LRRC1: variants seen among roughly 807,000 people sequenced by gnomAD.
The protein encoded by LRRC1 is leucine rich repeat containing 1, also known as leucine-rich repeat-containing protein 1.
In LRRC1, 28 loss-of-function variants were observed where a neutral mutation model predicts 69.9. The ratio of observed to expected loss-of-function variants is 0.40; its 90% CI spans 0.30 to 0.55. The LOEUF (loss-of-function observed/expected upper bound fraction) is 0.55. Among genes scored for constraint, LRRC1 ranks in the 20% least tolerant of loss-of-function variants. The pLI is 0.47. For synonymous variants in LRRC1, 236 were observed against 240.2 expected, an observed-to-expected ratio of 0.98 and a Z score of 0.16; for missense variants, 498 against 609.0, an observed-to-expected ratio of 0.82 and a Z score of 1.92.
At chr6:53,806,807 CAA>C (rs1241678805) in intron 1 of LRRC1, among the ~76,000 whole-genome samples, 1 of 152,120 alleles carries the variant, frequency 6.6e-6, no homozygotes, top group Non-Finnish European at 1.5e-5. Flanking sequence ...TTCCCAGAAC[CAA>C]TTAAGGAAAA....
intron 4 of LRRC1, among the ~76,000 whole-genome samples, chr6:53,895,027 C>T (rs895907806): frequency 1.3e-5 from 2 of 151,604 alleles, no homozygotes; most frequent in Non-Finnish European, 2.9e-5. Context: ...ATGCCATTCT[C>T]CTGCCTCACC....
At chr6:53,841,966 A>G in intron 1 of LRRC1, 144 bp from the exon 2 acceptor site, 1 of 564,528 alleles carries the variant, frequency 1.8e-6, no homozygotes. Flanking sequence ...CTTCACAACT[A>G]CAGTACTGCC....
intron 8 of LRRC1, 127 bp downstream of exon 8, chr6:53,900,018 C>CTGTTTTTTTTTT (rs1562066382): frequency 2.8e-5 from 8 of 283,108 alleles, no homozygotes; most frequent in African/African-American, 2.3e-4. Flanking sequence ...AGTCTCCTTA[C>CTGTTTTTTTTTT]TGTTTTTTTT....
In LRRC1 at chr6:53,896,523, C is replaced by A. The variant is rs1220308567; in HGVS notation, c.472C>A (p.Leu158Met). Reference protein sequence around the residue: ...GNLYNLASLELRENLLTYLPD... With the variant: ...GNLYNLASLEMRENLLTYLPD... The stretch of plus-strand genomic sequence containing the variant: ...TCTTTATAACCTGGCTTCACTGGAA[C>A]TGAGAGAGAATCTTCTTACATATCT... Residue 158 changes from leucine (L) to methionine (M), a missense_variant, in exon 5 of 14, where the codon CTG becomes ATG. This residue lies in a region of LRRC1 where 266 missense variants were observed against 383.9 expected (regional missense o/e 0.69). Transcript: ENST00000370888. The A allele has an allele frequency of 6.2e-7, 1 of 1,613,142 alleles. No individual in the cohort carries two copies. The highest frequency in any genetic ancestry group is 8.5e-7 in the Non-Finnish European group (1 of 1,179,344).
At chr6:53,839,846 C>T (rs904109945) in intron 1 of LRRC1, among the ~76,000 whole-genome samples, 1 of 152,038 alleles carries the variant, frequency 6.6e-6, no homozygotes, top group Non-Finnish European at 1.5e-5. Context: ...GCTTTGTTTT[C>T]TTTATGCCTA....
At chr6:53,883,540 A>G (rs1298682376) in intron 4 of LRRC1, among the ~76,000 whole-genome samples, 1 of 152,246 alleles carries the variant, frequency 6.6e-6, no homozygotes, top group African/African-American at 2.4e-5. Context: ...GAACCTAGTC[A>G]TGGCAAGAAA....
intron 4 of LRRC1, among the ~76,000 whole-genome samples, chr6:53,885,068 A>G (rs1486736776): frequency 6.6e-6 from 1 of 152,184 alleles, no homozygotes; most frequent in Non-Finnish European, 1.5e-5. Flanking sequence ...GTTGTTAGTA[A>G]TTTTGTCACC....
At chr6:53,863,590 G>T (rs1398830295) in intron 2 of LRRC1, among the ~76,000 whole-genome samples, 1 of 152,118 alleles carries the variant, frequency 6.6e-6, no homozygotes, top group East Asian at 1.9e-4. Flanking sequence ...TAGCTCCTCA[G>T]ATTTTCCAGA....
At chr6:53,861,120 A>G (rs1440505343) in intron 2 of LRRC1, among the ~76,000 whole-genome samples, 1 of 152,116 alleles carries the variant, frequency 6.6e-6, no homozygotes, top group African/African-American at 2.4e-5. Context: ...TTCCTGTGAC[A>G]CACAATTTAC....
intron 2 of LRRC1, among the ~76,000 whole-genome samples, chr6:53,849,950 C>G (rs748418026): frequency 1.3e-5 from 2 of 151,680 alleles, no homozygotes; most frequent in Non-Finnish European, 2.9e-5. Context: ...GAGCAAGTCC[C>G]TTTTTAAAAA....
intron 1 of LRRC1, among the ~76,000 whole-genome samples, chr6:53,828,528 A>G (rs1233737367): frequency 2.0e-5 from 3 of 152,208 alleles, no homozygotes; most frequent in Admixed American, 6.5e-5. Context: ...CCCTTCATTC[A>G]GTGTTGACTG....
intron 1 of LRRC1, among the ~76,000 whole-genome samples, chr6:53,820,592 C>T (rs3003492): frequency 0.26 from 39,823 of 151,082 alleles, 5,378 homozygotes; most frequent in African/African-American, 0.29. Context: ...TTAACCTCCC[C>T]GCCCCCATTT....
chr6:53,795,478 C>A, intron 1 of LRRC1, 63 bp downstream of exon 1: 1 of 1,495,478 alleles, frequency 6.7e-7, no homozygotes, highest in East Asian at 2.4e-5. Context: ...CGCTCCCATC[C>A]TCTCTCGTCC....
intron 2 of LRRC1, among the ~76,000 whole-genome samples, chr6:53,862,749 G>A (rs1766571415): frequency 6.6e-6 from 1 of 152,106 alleles, no homozygotes; most frequent in Non-Finnish European, 1.5e-5. Flanking sequence ...CTACAAGGCT[G>A]GCTGCCTCCT....
At chr6:53,898,045 C>T (rs1382882195) in intron 7 of LRRC1, among the ~76,000 whole-genome samples, 3 of 152,130 alleles carry the variant, frequency 2.0e-5, no homozygotes, top group Non-Finnish European at 4.4e-5. Flanking sequence ...GAATTTTATT[C>T]TTTGATGTCT....
intron 1 of LRRC1, among the ~76,000 whole-genome samples, chr6:53,800,188 C>CTT (rs1402371656): frequency 6.6e-6 from 1 of 150,634 alleles, no homozygotes; most frequent in African/African-American, 2.4e-5. Flanking sequence ...TCTCAGATGT[C>CTT]TAACATCTTT....
At chr6:53,895,750 C>T (rs1202919570) in intron 4 of LRRC1, among the ~76,000 whole-genome samples, 6 of 152,216 alleles carry the variant, frequency 3.9e-5, no homozygotes, top group Admixed American at 1.3e-4. Context: ...TGTCAAACAT[C>T]TGTCACATTC....
At position 53,919,477 on chromosome 6, in the gene LRRC1, T is replaced by TAAA. The variant is rs59865937; in HGVS notation, c.1107-6_1107-4dup. ...TTTGAGGTTGTGATGTCTCTTTTTT[T>TAAA]AAAAAAAAAAAAAAAAACAGGTTGC... On this transcript the variant is annotated intron_variant, in intron 11 of 13. Coordinates refer to ENST00000370888, the MANE Select transcript of LRRC1 (RefSeq NM_018214.5). 7,378 of 1,254,150 alleles carry TAAA rather than the reference T, an allele frequency of 5.9e-3. 10 individuals are homozygous for TAAA. The highest frequency in any genetic ancestry group is 6.1e-3 in the Non-Finnish European group (5,857 of 960,040). 77.7% of individuals were successfully genotyped at this position (1,254,150 alleles called of 1,614,324 possible).
intron 2 of LRRC1, among the ~76,000 whole-genome samples, chr6:53,875,387 C>CA (rs1767031924): frequency 1.3e-5 from 2 of 151,624 alleles, no homozygotes; most frequent in Admixed American, 6.6e-5. Flanking sequence ...ATGTAAGGTG[C>CA]AAAAAACAAA....
Sources: gnomAD v4.1 joint callset for allele counts (sites outside exome capture counted in the v4.1 genomes callset) on GRCh38, gnomAD v4.1.1 for gene constraint, gnomAD v4.1.1 regional missense constraint, MANE v1.5 for transcripts, NCBI Gene and HGNC (gene_info 2026-07-23, HGNC 2026-07-21) for gene names.